The following CCDC171 variants were observed in gnomAD, a reference collection of about 807,000 sequenced individuals.
CCDC171 encodes the protein coiled-coil domain-containing protein 171.
In CCDC171, 177 loss-of-function variants were observed where a neutral mutation model predicts 168.2. The observed-to-expected ratio is 1.05, with a 90% CI of 0.93 to 1.19. The LOEUF is 1.19. Among genes scored for constraint, CCDC171 ranks in the 50% most tolerant of loss-of-function variants. CCDC171 has a pLI of 0.00. For missense variants in CCDC171, 1,991 were observed against 1,539.0 expected (o/e 1.29, Z -4.91); for synonymous variants, 687 against 540.8 (o/e 1.27, Z -3.75).
chr9:16,096,304 C>G, the CCDC171 span, among the ~76,000 whole-genome samples: 1 of 152,098 alleles, frequency 6.6e-6, no homozygotes, highest in African/African-American at 2.4e-5. Flanking sequence ...GGATTGAAAA[C>G]ACAATTTATC....
chr9:15,684,524 A>G (rs944643522), intron 10 of CCDC171, among the ~76,000 whole-genome samples: 1 of 152,004 alleles, frequency 6.6e-6, no homozygotes, highest in Non-Finnish European at 1.5e-5. Flanking sequence ...TATAGTTTTT[A>G]TATGTTTCTT....
chr9:15,597,769 TG>T (rs1373916783), intron 6 of CCDC171, among the ~76,000 whole-genome samples: 1 of 152,186 alleles, frequency 6.6e-6, no homozygotes, highest in Non-Finnish European at 1.5e-5. Context: ...TGAATCCATC[TG>T]GTTCTGGACT....
intron 7 of CCDC171, among the ~76,000 whole-genome samples, chr9:15,637,369 C>A (rs1262567319): frequency 6.6e-6 from 1 of 151,774 alleles, no homozygotes; most frequent in Non-Finnish European, 1.5e-5. Context: ...CTGTAAAATA[C>A]TTAATTTCCT....
At chr9:15,876,871 T>C (rs1817914794) in intron 24 of CCDC171, among the ~76,000 whole-genome samples, 1 of 152,092 alleles carries the variant, frequency 6.6e-6, no homozygotes, top group Non-Finnish European at 1.5e-5. Context: ...TCTCAACCTT[T>C]GATTATGAAG....
chr9:15,809,467 T>C (rs750848386), intron 21 of CCDC171, among the ~76,000 whole-genome samples: 7 of 152,068 alleles, frequency 4.6e-5, no homozygotes, highest in Admixed American at 6.6e-5. Context: ...TTCTTAAAGA[T>C]GGTGTGTCTG....
At chr9:15,835,848 A>T (rs1386148584) in intron 21 of CCDC171, among the ~76,000 whole-genome samples, 1 of 152,154 alleles carries the variant, frequency 6.6e-6, no homozygotes, top group Non-Finnish European at 1.5e-5. Context: ...TTTTAAGTGT[A>T]CCTATTTACA....
At chr9:15,567,237 G>T (rs1421761529) in intron 2 of CCDC171, among the ~76,000 whole-genome samples, 1 of 152,092 alleles carries the variant, frequency 6.6e-6, no homozygotes, top group Non-Finnish European at 1.5e-5. Flanking sequence ...GGGCAGGCTG[G>T]TCTTGAACTC....
the CCDC171 span, among the ~76,000 whole-genome samples, chr9:16,067,842 G>T: frequency 6.6e-6 from 1 of 152,086 alleles, no homozygotes; most frequent in African/African-American, 2.4e-5. Context: ...TGGTACCAGT[G>T]CCGTGCTGTT....
At chr9:15,896,768 T>C (rs1367109882) in intron 24 of CCDC171, among the ~76,000 whole-genome samples, 2 of 152,064 alleles carry the variant, frequency 1.3e-5, no homozygotes, top group Non-Finnish European at 2.9e-5. Context: ...CCTGTAATAG[T>C]CATATACAAT....
chr9:15,874,902 G>A (rs896792476), intron 24 of CCDC171: 1 of 301,256 alleles, frequency 3.3e-6, no homozygotes, highest in East Asian at 5.9e-5. Flanking sequence ...GGAAAAATGT[G>A]TTTTATGGCA....
At chr9:15,769,445 G>C (rs1227673680) in intron 18 of CCDC171, among the ~76,000 whole-genome samples, 1 of 152,116 alleles carries the variant, frequency 6.6e-6, no homozygotes, top group Non-Finnish European at 1.5e-5. Flanking sequence ...GGACTTGAAT[G>C]AGAAAAAAAC....
chr9:15,756,468 G>A (rs1008309721), intron 18 of CCDC171, among the ~76,000 whole-genome samples: 3 of 152,050 alleles, frequency 2.0e-5, no homozygotes, highest in African/African-American at 7.2e-5. Flanking sequence ...TTTGGGGTAC[G>A]AATGATTCTG....
chr9:16,082,596 T>G, the CCDC171 span, among the ~76,000 whole-genome samples: 4 of 152,236 alleles, frequency 2.6e-5, no homozygotes, highest in Non-Finnish European at 5.9e-5. Context: ...TTTCAAGTAA[T>G]CAAAGTATAA....
intron 18 of CCDC171, among the ~76,000 whole-genome samples, chr9:15,751,563 T>C (rs1351176979): frequency 6.6e-6 from 1 of 152,010 alleles, no homozygotes; most frequent in African/African-American, 2.4e-5. Flanking sequence ...AAAACAGATA[T>C]ATAGACCAAT....
chr9:16,040,485 G>A (rs901953244), upstream of CCDC171, among the ~76,000 whole-genome samples: 1 of 152,178 alleles, frequency 6.6e-6, no homozygotes, highest in African/African-American at 2.4e-5. Context: ...AGGCGGCTGC[G>A]AAGCTTTGGT....
chr9:15,620,888 TC>T (rs2044448945), intron 6 of CCDC171, among the ~76,000 whole-genome samples: 2 of 152,138 alleles, frequency 1.3e-5, no homozygotes, highest in South Asian at 4.1e-4. Flanking sequence ...GTTAGGACCT[TC>T]CACCATTAAA....
At chr9:15,907,943 A>T (rs926036803) in intron 24 of CCDC171, among the ~76,000 whole-genome samples, 12 of 152,202 alleles carry the variant, frequency 7.9e-5, no homozygotes, top group Non-Finnish European at 1.5e-4. Flanking sequence ...TGCAAATCAA[A>T]ACCACAATGA....
chr9:15,620,350 C>A (rs2044407231), intron 6 of CCDC171, among the ~76,000 whole-genome samples: 1 of 151,998 alleles, frequency 6.6e-6, no homozygotes. Context: ...CAAATGTCAT[C>A]ATTAACAGGA....
intron 7 of CCDC171, among the ~76,000 whole-genome samples, chr9:15,632,713 A>G (rs1337711400): frequency 6.6e-6 from 1 of 152,222 alleles, no homozygotes; most frequent in African/African-American, 2.4e-5. Context: ...TGCATCGCCA[A>G]GTCAATCCTA....
Sources: gnomAD v4.1 joint callset for allele counts (sites outside exome capture counted in the v4.1 genomes callset) on GRCh38, gnomAD v4.1.1 for gene constraint, MANE v1.5 for transcripts, NCBI Gene and HGNC (gene_info 2026-07-23, HGNC 2026-07-21) for gene names.